CACNA1C: variants seen among roughly 807,000 people sequenced by gnomAD.
CACNA1C encodes the protein calcium voltage-gated channel subunit alpha1 C.
CACNA1C carries 30 observed loss-of-function variants against 229.0 expected under a neutral mutation model. The ratio of observed to expected loss-of-function variants is 0.13; its 90% CI spans 0.10 to 0.18. The LOEUF is 0.18. Ranked by LOEUF, CACNA1C falls within the 10% of genes least tolerant of loss-of-function variation. The probability of loss-of-function intolerance (pLI) is 1.00; values close to 1 mark genes in which losing one functional copy is unlikely to be tolerated. For missense variants in CACNA1C, 1,658 were observed against 2,845.0 expected, an observed-to-expected ratio of 0.58 and a Z score of 9.49; for synonymous variants, 1,114 against 1,132.5, an observed-to-expected ratio of 0.98 and a Z score of 0.33.
chr12:2,622,937 G>C (rs185843970), intron 29 of CACNA1C, among the ~76,000 whole-genome samples: 215 of 152,294 alleles, frequency 1.4e-3, no homozygotes, highest in Middle Eastern at 3.4e-3. Flanking sequence ...CAGCCTCGTG[G>C]GGATAACCCT....
At chr12:2,161,345 A>G (rs1279344138) in intron 3 of CACNA1C, among the ~76,000 whole-genome samples, 1 of 152,184 alleles carries the variant, frequency 6.6e-6, no homozygotes, top group Non-Finnish European at 1.5e-5. Flanking sequence ...TGGCAGCTGC[A>G]CTGAGGACAG....
At chr12:2,277,682 C>G (rs1207234090) in intron 3 of CACNA1C, among the ~76,000 whole-genome samples, 1 of 152,154 alleles carries the variant, frequency 6.6e-6, no homozygotes, top group Non-Finnish European at 1.5e-5. Context: ...TGAGTCTCAG[C>G]CAGGCAACAT....
At chr12:2,554,183 AG>A (rs1039279212) in intron 10 of CACNA1C, among the ~76,000 whole-genome samples, 2 of 152,188 alleles carry the variant, frequency 1.3e-5, no homozygotes, top group African/African-American at 4.8e-5. Flanking sequence ...CTGAGTAACT[AG>A]GGGAAAAAAG....
At chr12:2,093,499 T>C (rs1595659708) in intron 1 of CACNA1C, among the ~76,000 whole-genome samples, 1 of 152,224 alleles carries the variant, frequency 6.6e-6, no homozygotes, top group East Asian at 1.9e-4. Flanking sequence ...GAAGTGGGTA[T>C]GCTTTGTGCC....
chr12:1,999,179 G>C (rs1356486023), intron 1 of CACNA1C, among the ~76,000 whole-genome samples: 1 of 152,202 alleles, frequency 6.6e-6, no homozygotes, highest in Non-Finnish European at 1.5e-5. Context: ...TCAGCAATCT[G>C]GGTTTTATTA....
intron 30 of CACNA1C, among the ~76,000 whole-genome samples, chr12:2,642,540 T>C (rs951377724): frequency 6.6e-6 from 1 of 152,148 alleles, no homozygotes; most frequent in Non-Finnish European, 1.5e-5. Context: ...ATACGTAGGG[T>C]GCCTCGAGAA....
rs1414179907 is a variant in CACNA1C at position 2,585,776 on chromosome 12, C to G, written c.2461-59C>G. 2 of 1,279,516 alleles carry G rather than the reference C, an allele frequency of 1.6e-6. No individual in the cohort carries two copies. Among genetic ancestry groups the G allele is most frequent in the Non-Finnish European group, 2.2e-6 (2 of 891,488 alleles). The allele number at this position is 1,279,516 out of a possible 1,614,324, so 79.3% of individuals were successfully genotyped here. On this transcript the variant is annotated intron_variant, in intron 17 of 46. Coordinates refer to ENST00000399655, the MANE Select transcript of CACNA1C (RefSeq NM_000719.7). This position sits in a 1 kb window ranked among gnomAD's most constrained non-coding sequence, Gnocchi z 4.1. ...AATGCAACTTCAAGGCTACTGCAAGCCTCTTAACTTGGGGACGTATCTAAC... is the reference window on the plus strand; with the variant it reads ...AATGCAACTTCAAGGCTACTGCAAGGCTCTTAACTTGGGGACGTATCTAAC...
chr12:2,259,153 T>C (rs2154399967), intron 3 of CACNA1C, among the ~76,000 whole-genome samples: 1 of 152,300 alleles, frequency 6.6e-6, no homozygotes, highest in Non-Finnish European at 1.5e-5. Context: ...TCTCAGAATA[T>C]GGCCCTGAAC....
Position 2,665,414 on chromosome 12 carries a change from G to A in CACNA1C, c.4399-167G>A, listed in dbSNP as rs909031540. Among the ~76,000 whole-genome samples the A allele has an allele frequency of 6.6e-6, 1 of 152,184 alleles. No individual in the cohort carries two copies. Among genetic ancestry groups the A allele is most frequent in the Admixed American group, 6.5e-5 (1 of 15,280 alleles). ...CACACACAACTCTCAGGGAAACTGT[G>A]TCAAGTTTATGTCCAAGAGACCCAG... On this transcript the variant is annotated intron_variant, in intron 35 of 46. Transcript: ENST00000399655. The surrounding 1 kb of genome is among the most constrained non-coding windows in gnomAD (Gnocchi z 5.9).
chr12:2,417,903 T>C (rs960519198), intron 3 of CACNA1C, among the ~76,000 whole-genome samples: 1 of 151,806 alleles, frequency 6.6e-6, no homozygotes. Flanking sequence ...GCAGACATTC[T>C]TCTAGCTGCA....
rs1000319098 is a variant in CACNA1C, at chr12:2,488,420, G to A, written c.916+2158G>A. The stretch of plus-strand genomic sequence containing the variant: ...AGCCGTAGGGCCCAGTGAAGAGGTC[G>A]CCCCAACGCCCCAAGTACCGAACCT... On this transcript the variant is annotated intron_variant, in intron 6 of 46. Coordinates refer to ENST00000399655, the MANE Select transcript of CACNA1C (RefSeq NM_000719.7). The surrounding 1 kb of genome is among the most constrained non-coding windows in gnomAD (Gnocchi z 4.0). Among the ~76,000 whole-genome samples, 15 of 152,252 alleles carry A rather than the reference G, an allele frequency of 9.9e-5. No individual in the cohort carries two copies. The highest frequency in any genetic ancestry group is 5.8e-4 in the East Asian group (3 of 5,178).
chr12:2,552,199 G>C (rs919047756), intron 10 of CACNA1C, among the ~76,000 whole-genome samples: 2 of 152,252 alleles, frequency 1.3e-5, no homozygotes, highest in Non-Finnish European at 2.9e-5. Flanking sequence ...TCGTTCAACA[G>C]TCTGCCCAGC....
chr12:2,142,739 T>G (rs1352531653), intron 3 of CACNA1C, among the ~76,000 whole-genome samples: 1 of 151,212 alleles, frequency 6.6e-6, no homozygotes, highest in Non-Finnish European at 1.5e-5. Context: ...TGTGGACATT[T>G]GTGTGTTAGT....
At chr12:2,378,059 T>C (rs1035826051) in intron 3 of CACNA1C, among the ~76,000 whole-genome samples, 1 of 152,074 alleles carries the variant, frequency 6.6e-6, no homozygotes, top group African/African-American at 2.4e-5. Context: ...CAGAGCCGAG[T>C]CATGACTTCT....
intron 1 of CACNA1C, among the ~76,000 whole-genome samples, chr12:2,086,173 C>A (rs1174591903): frequency 1.3e-5 from 2 of 152,178 alleles, no homozygotes; most frequent in Non-Finnish European, 2.9e-5. Flanking sequence ...CAGGGCAATG[C>A]CTGTGCTCTG....
chr12:2,092,128 A>C (rs1337627070), intron 1 of CACNA1C, among the ~76,000 whole-genome samples: 2 of 152,204 alleles, frequency 1.3e-5, no homozygotes. Context: ...ACTTTGGGGA[A>C]ATGGCTCCTG....
Position 2,602,094 on chromosome 12 carries a change from G to A in CACNA1C, c.2960+134G>A, listed in dbSNP as rs1299272552. 3 of 649,492 alleles carry A rather than the reference G, an allele frequency of 4.6e-6. No individual in the cohort carries two copies. The African/African-American group carries it at 5.4e-5, about 12-fold the overall frequency. The allele number at this position is 649,492 out of a possible 1,614,324, so 40.2% of individuals were successfully genotyped here. A position where few individuals can be genotyped will look rare whatever the true frequency, so the allele number is the denominator to read the frequency against. The stretch of plus-strand genomic sequence containing the variant: ...AGAGTGGGGTGGGGCCTCCAAAGCT[G>A]TGCATGGTGGCTTTGGGTTCTTGGT... On this transcript the variant is annotated intron_variant, in intron 22 of 46. Coordinates refer to ENST00000399655, the MANE Select transcript of CACNA1C (RefSeq NM_000719.7). This position sits in a 1 kb window ranked among gnomAD's most constrained non-coding sequence, Gnocchi z 4.4.
In CACNA1C at chr12:2,578,085, G is replaced by A. The variant is rs530332798; in HGVS notation, c.1896-3505G>A. On this transcript the variant is annotated intron_variant, in intron 13 of 46. Transcript: ENST00000399655. ...GGGTTTCACCGTGTTAGCCAGGATG[G>A]TCTCGATCTCCTGACCTCGTGATCC... 6.9e-4 allele frequency among the ~76,000 whole-genome samples: 105 copies of A among 152,006 alleles called. No individual in the cohort carries two copies. The Middle Eastern group carries it at 0.02, about 30-fold the overall frequency.
At position 1,984,778 on chromosome 12, in the gene CACNA1C, TAAAAAAAA is replaced by T. The variant is rs764705302; in HGVS notation, c.139+13593_139+13600del. ...ATTTATTCTACAGTGGGTCTTCTGGTAAAAAAAAAAAAAAAAAAAAAAAGGTTCTTTTT... is the reference window on the plus strand; with the variant it reads ...ATTTATTCTACAGTGGGTCTTCTGGTAAAAAAAAAAAAAAAGGTTCTTTTT... On this transcript the variant is annotated intron_variant, in intron 1 of 46. Coordinates refer to the CACNA1C transcript ENST00000682462. 3.7e-5 allele frequency among the ~76,000 whole-genome samples: 3 copies of T among 81,340 alleles called. No homozygotes were observed. The South Asian group carries it at 1.5e-3, about 42-fold the overall frequency. The allele number at this position is 81,340 out of a possible 152,430, so 53.4% of individuals were successfully genotyped here.
Sources: gnomAD v4.1 joint callset for allele counts (sites outside exome capture counted in the v4.1 genomes callset) on GRCh38, gnomAD v4.1.1 for gene constraint, Gnocchi (gnomAD v3.1) non-coding constraint, MANE v1.5 for transcripts, NCBI Gene and HGNC (gene_info 2026-07-23, HGNC 2026-07-21) for gene names.